The following KCNH5 variants were observed in gnomAD, a reference collection of about 807,000 sequenced individuals.
The protein encoded by KCNH5 is potassium voltage-gated channel subfamily H member 5.
KCNH5 carries 46 observed loss-of-function variants against 96.1 expected under a neutral mutation model. The ratio of observed to expected loss-of-function variants is 0.48; its 90% CI spans 0.38 to 0.61. The LOEUF is 0.61. Ranked by LOEUF, KCNH5 falls within the 20% of genes least tolerant of loss-of-function variation. The pLI, the probability that KCNH5 is intolerant of heterozygous loss-of-function variation, is 0.00. For missense variants in KCNH5, 907 were observed against 1,225.8 expected, an observed-to-expected ratio of 0.74 and a Z score of 3.88; for synonymous variants, 439 against 449.8, an observed-to-expected ratio of 0.98 and a Z score of 0.30.
At chr14:62,937,205 C>G (rs990547848) in intron 7 of KCNH5, among the ~76,000 whole-genome samples, 4 of 152,082 alleles carry the variant, frequency 2.6e-5, no homozygotes, top group African/African-American at 7.2e-5. Context: ...TCCTGACTCT[C>G]TTTCTCTCAA....
At chr14:62,824,013 A>C (rs1235871262) in intron 8 of KCNH5, among the ~76,000 whole-genome samples, 1 of 152,100 alleles carries the variant, frequency 6.6e-6, no homozygotes, top group Non-Finnish European at 1.5e-5. Context: ...AGCAAAGAAA[A>C]AAACTTAAAA....
chr14:62,740,732 T>G (rs566194747), intron 10 of KCNH5, among the ~76,000 whole-genome samples: 1 of 152,184 alleles, frequency 6.6e-6, no homozygotes, highest in African/African-American at 2.4e-5. Context: ...TAGTGAACTC[T>G]GCATTGCACA....
chr14:63,023,065 T>A (rs577429435), intron 1 of KCNH5, among the ~76,000 whole-genome samples: 44 of 151,950 alleles, frequency 2.9e-4, no homozygotes, highest in Non-Finnish European at 5.9e-4. Context: ...TAGCCGGGCA[T>A]AATGATGCAC....
At chr14:62,865,732 T>C (rs1888122685) in intron 7 of KCNH5, among the ~76,000 whole-genome samples, 1 of 152,196 alleles carries the variant, frequency 6.6e-6, no homozygotes, top group Non-Finnish European at 1.5e-5. Flanking sequence ...CTACATAAAG[T>C]GCAAATGTAT....
rs374084442 is a variant in KCNH5 at position 62,781,760 on chromosome 14, T to G, written c.1823-1836A>C. Among the ~76,000 whole-genome samples the G allele has an allele frequency of 8.5e-4, 129 of 152,338 alleles. 5 individuals carry two copies. In the South Asian group the frequency reaches 0.026, roughly 31 times the overall value. On this transcript the variant is annotated intron_variant, in intron 9 of 10. Coordinates refer to ENST00000322893, the MANE Select transcript of KCNH5 (RefSeq NM_139318.5). ...CTGTTATCCTGTTCTTTTTTCAAGGTGCCCACATTTCATATTGCTCAAACA... is the reference window on the plus strand; with the variant it reads ...CTGTTATCCTGTTCTTTTTTCAAGGGGCCCACATTTCATATTGCTCAAACA...
At chr14:62,825,848 C>A (rs973807093) in intron 8 of KCNH5, among the ~76,000 whole-genome samples, 10 of 151,954 alleles carry the variant, frequency 6.6e-5, no homozygotes. Flanking sequence ...CTCCCTCCTG[C>A]CTTCCTGTTT....
At chr14:63,016,660 A>C (rs1891331618) in intron 2 of KCNH5, among the ~76,000 whole-genome samples, 171 bp downstream of exon 2, 1 of 152,104 alleles carries the variant, frequency 6.6e-6, no homozygotes, top group African/African-American at 2.4e-5. Flanking sequence ...AGTTCTCACC[A>C]GTGGCTCTTA....
intron 7 of KCNH5, among the ~76,000 whole-genome samples, chr14:62,859,332 C>G (rs1887989587): frequency 6.6e-6 from 1 of 152,110 alleles, no homozygotes; most frequent in Non-Finnish European, 1.5e-5. Context: ...GTTGCTGAGC[C>G]CATGCATAAC....
chr14:62,985,919 C>T (rs571634950), intron 5 of KCNH5, among the ~76,000 whole-genome samples: 2 of 152,286 alleles, frequency 1.3e-5, no homozygotes, highest in South Asian at 4.1e-4. Flanking sequence ...TTACATTCGT[C>T]ATTTTATTAA....
intron 2 of KCNH5, 62 bp downstream of exon 2, chr14:63,016,769 T>G: frequency 6.4e-7 from 1 of 1,553,592 alleles, no homozygotes; most frequent in Non-Finnish European, 8.7e-7. Flanking sequence ...CTTAAGCCTT[T>G]TAATTACATT....
chr14:62,840,566 C>CTTTTTTTTTTTTTTTTTTT (rs71120238), intron 8 of KCNH5, among the ~76,000 whole-genome samples: 6 of 76,366 alleles, frequency 7.9e-5, no homozygotes, highest in East Asian at 4.7e-4. Flanking sequence ...TCTTTTTTTT[C>CTTTTTTTTTTTTTTTTTTT]TTTTTTTTTT....
intron 7 of KCNH5, among the ~76,000 whole-genome samples, chr14:62,932,500 C>T (rs1421139397): frequency 7.3e-6 from 1 of 137,770 alleles, no homozygotes; most frequent in African/African-American, 2.7e-5. Context: ...AACTAAAAAA[C>T]CAATCCAGGA....
intron 9 of KCNH5, among the ~76,000 whole-genome samples, chr14:62,801,275 C>T (rs890952589): frequency 6.6e-5 from 10 of 150,390 alleles, no homozygotes; most frequent in Non-Finnish European, 1.3e-4. Flanking sequence ...GCTGAAAATC[C>T]AATAGTTTAA....
At chr14:62,838,505 G>T (rs1179460066) in intron 8 of KCNH5, among the ~76,000 whole-genome samples, 1 of 152,108 alleles carries the variant, frequency 6.6e-6, no homozygotes, top group Non-Finnish European at 1.5e-5. Flanking sequence ...CTGAGATTAG[G>T]ACAATACAAT....
intron 7 of KCNH5, among the ~76,000 whole-genome samples, chr14:62,851,446 C>T (rs1410231715): frequency 6.9e-6 from 1 of 144,140 alleles, no homozygotes; most frequent in Non-Finnish European, 1.5e-5. Flanking sequence ...ATCCTGAGAT[C>T]TTGATTCTAT....
At chr14:62,773,008 T>A (rs1360567002) in intron 10 of KCNH5, among the ~76,000 whole-genome samples, 1 of 152,222 alleles carries the variant, frequency 6.6e-6, no homozygotes, top group Non-Finnish European at 1.5e-5. Context: ...AAAACTAAAA[T>A]CAATCTATGA....
At chr14:62,866,428 C>G (rs1246148766) in intron 7 of KCNH5, among the ~76,000 whole-genome samples, 1 of 152,176 alleles carries the variant, frequency 6.6e-6, no homozygotes. Context: ...TCTAGCAACA[C>G]TTGGTACCAA....
intron 8 of KCNH5, among the ~76,000 whole-genome samples, chr14:62,822,901 C>T (rs1179720348): frequency 6.6e-6 from 1 of 152,058 alleles, no homozygotes; most frequent in Non-Finnish European, 1.5e-5. Flanking sequence ...AGGTTAATAA[C>T]ACATCCATGG....
intron 7 of KCNH5, among the ~76,000 whole-genome samples, chr14:62,923,767 T>C (rs1889422106): frequency 6.6e-6 from 1 of 151,870 alleles, no homozygotes; most frequent in Non-Finnish European, 1.5e-5. Flanking sequence ...GTTATCTGCA[T>C]ACAAAAGAAT....
Sources: allele counts gnomAD v4.1 joint callset (sites outside exome capture counted in the v4.1 genomes callset), GRCh38; gene constraint gnomAD v4.1.1; transcripts MANE v1.5; gene names NCBI Gene and HGNC (gene_info 2026-07-23, HGNC 2026-07-21).